The following RAB6A variants were observed in gnomAD, a reference collection of about 807,000 sequenced individuals.
RAB6A encodes the protein ras-related protein Rab-6A.
In RAB6A, 8 loss-of-function variants were observed where a neutral mutation model predicts 32.3. The observed-to-expected ratio is 0.25, with a 90% CI of 0.15 to 0.45. The LOEUF is 0.45. Ranked by LOEUF, RAB6A falls within the 20% of genes least tolerant of loss-of-function variation. The pLI is 1.00. For missense variants in RAB6A, 104 were observed against 249.4 expected (o/e 0.42, Z 3.93); for synonymous variants, 73 against 82.1 (o/e 0.89, Z 0.60).
intron 6 of RAB6A, among the ~76,000 whole-genome samples, chr11:73,686,173 T>C (rs1945453152): frequency 1.3e-5 from 2 of 152,198 alleles, no homozygotes; most frequent in South Asian, 4.1e-4. Context: ...CTAGAAATTG[T>C]CCTCATAATA....
intron 1 of RAB6A, among the ~76,000 whole-genome samples, chr11:73,747,489 G>A (rs1256370890): frequency 6.9e-6 from 1 of 145,036 alleles, no homozygotes; most frequent in Admixed American, 7.0e-5. Context: ...ACAGCTGTGA[G>A]ACACCATGCC....
At position 73,760,962 on chromosome 11, in the gene RAB6A, G is replaced by A. The variant is rs1299634068; in HGVS notation, c.-327C>T. The A allele has an allele frequency of 3.5e-6, 1 of 288,164 alleles. No individual in the cohort carries two copies. Among genetic ancestry groups the A allele is most frequent in the African/African-American group, 2.2e-5 (1 of 45,462 alleles). 17.9% of individuals were successfully genotyped at this position (288,164 alleles called of 1,614,324 possible). A position where few individuals can be genotyped will look rare whatever the true frequency, so the allele number is the denominator to read the frequency against. On this transcript the variant is annotated 5_prime_UTR_variant, in exon 1 of 8. Transcript: ENST00000336083. ...TTCCGCACTCGGCTCCCAGACCTGG[G>A]GAAGAGAAGCTGAGGGTGGCGGAGC...
At chr11:73,705,766 A>AGGAGAGAG (rs1945828829) in intron 6 of RAB6A, among the ~76,000 whole-genome samples, 1 of 49,510 alleles carries the variant, frequency 2.0e-5, no homozygotes, top group Admixed American at 2.8e-4. Context: ...TATAATTCCG[A>AGGAGAGAG]TGAGAGAGAG....
chr11:73,740,115 T>C (rs533622371), intron 1 of RAB6A, among the ~76,000 whole-genome samples: 15 of 151,912 alleles, frequency 9.9e-5, no homozygotes, highest in Non-Finnish European at 1.9e-4. Context: ...TCTATAACTA[T>C]GATAAATTCT....
At chr11:73,709,962 T>TATA (rs113487024) in intron 5 of RAB6A, among the ~76,000 whole-genome samples, 67,950 of 132,280 alleles carry the variant, frequency 0.51, 17,821 homozygotes, top group East Asian at 0.59. Context: ...TATATATATA[T>TATA]TTTTTTTTTT....
intron 2 of RAB6A, among the ~76,000 whole-genome samples, chr11:73,723,290 A>AGGGG (rs1555062322): frequency 7.6e-5 from 11 of 144,480 alleles, no homozygotes; most frequent in Non-Finnish European, 1.7e-4. Flanking sequence ...CTGGGGGGGA[A>AGGGG]AAAAAGAAAG....
intron 5 of RAB6A, among the ~76,000 whole-genome samples, chr11:73,714,053 G>A (rs889977210): frequency 1.4e-4 from 21 of 151,588 alleles, no homozygotes; most frequent in African/African-American, 4.8e-4. Flanking sequence ...TTAGCCAGAT[G>A]TGGTGGCAAG....
At chr11:73,723,586 C>A (rs192750810) in intron 2 of RAB6A, among the ~76,000 whole-genome samples, 2 of 152,226 alleles carry the variant, frequency 1.3e-5, no homozygotes, top group Non-Finnish European at 2.9e-5. Flanking sequence ...ACCTCGGCCT[C>A]CCAAAGTGCT....
At chr11:73,704,219 GA>G in intron 6 of RAB6A, 9 of 422,654 alleles carry the variant, frequency 2.1e-5, no homozygotes, top group Non-Finnish European at 3.3e-5. Flanking sequence ...CTATTCTCTG[GA>G]AAAAAATTAA....
At chr11:73,745,774 G>A (rs1435116426) in intron 1 of RAB6A, among the ~76,000 whole-genome samples, 1 of 152,106 alleles carries the variant, frequency 6.6e-6, no homozygotes, top group Non-Finnish European at 1.5e-5. Context: ...AGAAGTTGCA[G>A]TGAGCCAAGA....
chr11:73,723,402 T>C (rs1230281301), intron 2 of RAB6A, among the ~76,000 whole-genome samples: 3 of 152,128 alleles, frequency 2.0e-5, no homozygotes, highest in African/African-American at 4.8e-5. Context: ...CTTGGCTCAC[T>C]GCAACCTCCG....
At chr11:73,746,132 G>A (rs1247066821) in intron 1 of RAB6A, among the ~76,000 whole-genome samples, 1 of 150,774 alleles carries the variant, frequency 6.6e-6, no homozygotes, top group Non-Finnish European at 1.5e-5. Flanking sequence ...GAGTTCAAGA[G>A]CAGCCTGGCC....
intron 1 of RAB6A, among the ~76,000 whole-genome samples, chr11:73,753,718 A>C (rs981000447): frequency 6.6e-6 from 1 of 151,712 alleles, no homozygotes; most frequent in Non-Finnish European, 1.5e-5. Context: ...CTGAAAAAAA[A>C]ACAAAAAAAC....
chr11:73,720,764 T>C, intron 3 of RAB6A, 82 bp downstream of exon 3: 1 of 1,097,934 alleles, frequency 9.1e-7, no homozygotes, highest in South Asian at 1.4e-5. Flanking sequence ...GTACTTCTTA[T>C]GGTGACAATC....
chr11:73,733,576 A>T (rs992908663), intron 1 of RAB6A, among the ~76,000 whole-genome samples: 2 of 148,050 alleles, frequency 1.4e-5, no homozygotes, highest in African/African-American at 4.9e-5. Flanking sequence ...AATAAATAAA[A>T]ATAAATAAAT....
intron 2 of RAB6A, among the ~76,000 whole-genome samples, chr11:73,728,802 T>G (rs1946263586): frequency 6.6e-6 from 1 of 151,996 alleles, no homozygotes; most frequent in Non-Finnish European, 1.5e-5. Flanking sequence ...TTAGAGTAAC[T>G]GACCTCACAG....
intron 5 of RAB6A, among the ~76,000 whole-genome samples, chr11:73,710,922 T>C (rs191949167): frequency 6.6e-6 from 1 of 152,232 alleles, no homozygotes; most frequent in East Asian, 1.9e-4. Flanking sequence ...TTCTTTAAAC[T>C]TATAATTTAT....
chr11:73,736,178 C>T (rs898146522), intron 1 of RAB6A, among the ~76,000 whole-genome samples: 3 of 151,988 alleles, frequency 2.0e-5, no homozygotes, highest in African/African-American at 7.2e-5. Context: ...GCTGTAATCT[C>T]AGCACTTTGA....
chr11:73,678,039 C>T (rs963964575), intron 7 of RAB6A, 77 bp from the exon 8 acceptor site: 1 of 1,404,552 alleles, frequency 7.1e-7, no homozygotes, highest in East Asian at 2.3e-5. Flanking sequence ...TCTGGGATGG[C>T]CCTTATATTC....
Sources: allele counts gnomAD v4.1 joint callset (sites outside exome capture counted in the v4.1 genomes callset), GRCh38; gene constraint gnomAD v4.1.1; transcripts MANE v1.5; gene names NCBI Gene and HGNC (gene_info 2026-07-23, HGNC 2026-07-21).